Variants in SMARCC1 observed in about 807,000 individuals in gnomAD.
SMARCC1 encodes the protein SWI/SNF related BAF chromatin remodeling complex subunit C1, also known as SWI/SNF complex subunit SMARCC1.
A neutral mutation model predicts 147.4 loss-of-function variants in SMARCC1; 43 were observed. That is an observed-to-expected ratio of 0.29 (90% CI 0.23 to 0.38). The LOEUF (loss-of-function observed/expected upper bound fraction) is 0.38. Ranked by LOEUF, SMARCC1 falls within the 10% of genes least tolerant of loss-of-function variation. The pLI, the probability that SMARCC1 is intolerant of heterozygous loss-of-function variation, is 1.00. For missense variants in SMARCC1, 1,119 were observed against 1,381.1 expected (o/e 0.81, Z 3.01); for synonymous variants, 495 against 484.4 (o/e 1.02, Z -0.29).
intron 21 of SMARCC1, among the ~76,000 whole-genome samples, chr3:47,652,251 T>C (rs1559635099): frequency 6.6e-6 from 1 of 152,158 alleles, no homozygotes; most frequent in Non-Finnish European, 1.5e-5. Context: ...ATTACGAGCA[T>C]AAGCCACAGC....
chr3:47,768,012 C>T (rs1188451554), intron 2 of SMARCC1, among the ~76,000 whole-genome samples: 5 of 151,862 alleles, frequency 3.3e-5, no homozygotes, highest in Non-Finnish European at 7.4e-5. Context: ...GATAATTTTT[C>T]TTGTATTTCT....
intron 24 of SMARCC1, among the ~76,000 whole-genome samples, chr3:47,623,296 G>A (rs1025528837): frequency 2.0e-5 from 3 of 151,788 alleles, no homozygotes; most frequent in South Asian, 2.1e-4. Flanking sequence ...GTCACAGCAC[G>A]CATCTTACCA....
intron 19 of SMARCC1, among the ~76,000 whole-genome samples, chr3:47,667,219 G>A (rs1332471781): frequency 2.0e-5 from 3 of 152,090 alleles, no homozygotes; most frequent in Admixed American, 6.5e-5. Flanking sequence ...TTGGGAGGCC[G>A]AGGCAGGAGA....
At chr3:47,657,307 G>C (rs765464807) in intron 21 of SMARCC1, among the ~76,000 whole-genome samples, 1 of 152,098 alleles carries the variant, frequency 6.6e-6, no homozygotes, top group Non-Finnish European at 1.5e-5. Flanking sequence ...GTCTAGAATA[G>C]ACCACATGTT....
intron 2 of SMARCC1, among the ~76,000 whole-genome samples, chr3:47,763,801 C>T (rs2034803452): frequency 6.6e-6 from 1 of 151,984 alleles, no homozygotes; most frequent in African/African-American, 2.4e-5. Flanking sequence ...CCACTGCAGC[C>T]TCAACCTCCT....
intron 2 of SMARCC1, among the ~76,000 whole-genome samples, chr3:47,757,472 G>A (rs1472715999): frequency 6.6e-6 from 1 of 151,990 alleles, no homozygotes; most frequent in Non-Finnish European, 1.5e-5. Flanking sequence ...GGATTGGTGA[G>A]AAAGTAGAAA....
At chr3:47,595,673 C>T (rs2032264003) in intron 26 of SMARCC1, among the ~76,000 whole-genome samples, 1 of 151,834 alleles carries the variant, frequency 6.6e-6, no homozygotes, top group African/African-American at 2.4e-5. Flanking sequence ...AATACCATAC[C>T]CTTTTGTGGT....
intron 11 of SMARCC1, among the ~76,000 whole-genome samples, chr3:47,697,774 A>C (rs1275706223): frequency 6.6e-6 from 1 of 151,716 alleles, no homozygotes; most frequent in Non-Finnish European, 1.5e-5. Context: ...TTGGGAGGCC[A>C]AGGCGGGCGG....
At chr3:47,771,484 C>G (rs528598686) in intron 2 of SMARCC1, among the ~76,000 whole-genome samples, 2 of 152,204 alleles carry the variant, frequency 1.3e-5, no homozygotes, top group South Asian at 4.1e-4. Flanking sequence ...ACAGTGGCTC[C>G]CACTTGTAAT....
chr3:47,717,487 T>G (rs567922674), intron 7 of SMARCC1, among the ~76,000 whole-genome samples: 1 of 152,358 alleles, frequency 6.6e-6, no homozygotes, highest in South Asian at 2.1e-4. Context: ...TCCCAACAGG[T>G]AGATTTTATC....
In SMARCC1 at chr3:47,779,946, A is replaced by C. The variant is rs535792047; in HGVS notation, c.195+1657T>G. On this transcript the variant is annotated intron_variant, in intron 1 of 27. Coordinates refer to ENST00000254480, the MANE Select transcript of SMARCC1 (RefSeq NM_003074.4). ...GCCACTTCTGGAAGCTCTATTACTT[A>C]CATTTAAAAAGTGACCAATTTATCA... is the stretch of plus-strand genomic sequence containing the variant. Among the ~76,000 whole-genome samples, 379 of 152,288 alleles carry C rather than the reference A, an allele frequency of 2.5e-3. 1 individual carries two copies. The highest frequency in any genetic ancestry group is 8.7e-3 in the African/African-American group (360 of 41,562).
chr3:47,742,770 G>A (rs1271897029), intron 3 of SMARCC1, among the ~76,000 whole-genome samples: 15 of 152,022 alleles, frequency 9.9e-5, no homozygotes, highest in Admixed American at 9.9e-4. Flanking sequence ...TTTTGTAGAG[G>A]CTGAGTTTTC....
At position 47,746,254 on chromosome 3, in the gene SMARCC1, G is replaced by C. The variant is rs898482840; in HGVS notation, c.316-261C>G. 2.7e-4 allele frequency: 80 copies of C among 299,570 alleles called. No homozygotes were observed. In the East Asian group the frequency reaches 4.9e-3, roughly 18 times the overall value. The allele number at this position is 299,570 out of a possible 1,614,324, so 18.6% of individuals were successfully genotyped here. ...ACTTAAGCCCAGGAGTTCAAGACCA[G>C]TCTGGGCAACACAGGGAGATCCAGT... On this transcript the variant is annotated intron_variant, in intron 2 of 27. Transcript: ENST00000254480.
In SMARCC1 at chr3:47,729,030, T is replaced by C; in HGVS notation, c.641A>G (p.Asp214Gly). Reference sequence around the variant, plus strand: ...ACAACGCAAAACTAACTTACCATCGTCTTGTGAGGAAGAATATGGGTAAAT... The same window carrying C: ...ACAACGCAAAACTAACTTACCATCGCCTTGTGAGGAAGAATATGGGTAAAT... ...HHIYPYSSSQDDEEWLRPVMR... is the reference protein window; with the variant it reads ...HHIYPYSSSQGDEEWLRPVMR... The change falls in exon 6 of 28, where the codon GAC becomes GGC. Residue 214 changes from aspartate to glycine, a missense_variant. Transcript: ENST00000254480. 6.2e-7 allele frequency: 1 copy of C among 1,608,066 alleles called. No individual in the cohort carries two copies. The highest frequency in any genetic ancestry group is 8.5e-7 in the Non-Finnish European group (1 of 1,175,304).
intron 10 of SMARCC1, among the ~76,000 whole-genome samples, chr3:47,702,508 A>G (rs1217989514): frequency 6.6e-6 from 1 of 152,180 alleles, no homozygotes; most frequent in African/African-American, 2.4e-5. Flanking sequence ...GTAATCCCAG[A>G]ACATTGGAAG....
intron 21 of SMARCC1, among the ~76,000 whole-genome samples, 161 bp from the exon 22 acceptor site, chr3:47,638,941 C>T (rs990124593): frequency 6.6e-6 from 1 of 152,148 alleles, no homozygotes; most frequent in African/African-American, 2.4e-5. Flanking sequence ...AAACAACACA[C>T]ACTGTATGAT....
At chr3:47,753,084 G>A (rs752782806) in intron 2 of SMARCC1, among the ~76,000 whole-genome samples, 3 of 152,112 alleles carry the variant, frequency 2.0e-5, no homozygotes, top group Non-Finnish European at 2.9e-5. Context: ...TACGGCTCAC[G>A]CCTGTAATCT....
intron 24 of SMARCC1, among the ~76,000 whole-genome samples, chr3:47,634,026 G>A (rs923093066): frequency 1.4e-4 from 21 of 152,100 alleles, no homozygotes; most frequent in Non-Finnish European, 2.6e-4. Flanking sequence ...TATATTAGCC[G>A]TCACTTAAGC....
chr3:47,767,074 T>C (rs1371345380), intron 2 of SMARCC1, among the ~76,000 whole-genome samples: 1 of 150,894 alleles, frequency 6.6e-6, no homozygotes, highest in Non-Finnish European at 1.5e-5. Context: ...TCCCAGCTAC[T>C]TGGGAGGCTG....
Sources: gnomAD v4.1 joint callset for allele counts (sites outside exome capture counted in the v4.1 genomes callset) on GRCh38, gnomAD v4.1.1 for gene constraint, MANE v1.5 for transcripts, NCBI Gene and HGNC (gene_info 2026-07-23, HGNC 2026-07-21) for gene names.